The following TBC1D5 variants were observed in gnomAD, a reference collection of about 807,000 sequenced individuals.
TBC1D5 encodes the protein TBC1 domain family, member 5.
In TBC1D5, 75 loss-of-function variants were observed where a neutral mutation model predicts 100.3. The observed-to-expected ratio is 0.75, with a 90% CI of 0.62 to 0.91. TBC1D5 has a LOEUF of 0.91. Among genes scored for constraint, TBC1D5 ranks in the 40% least tolerant of loss-of-function variants. TBC1D5 has a pLI of 0.00. For synonymous variants in TBC1D5, 323 were observed against 325.6 expected (o/e 0.99, Z 0.09); for missense variants, 910 against 942.4 (o/e 0.97, Z 0.45).
chr3:17,452,195 A>G (rs1033370065), intron 3 of TBC1D5, among the ~76,000 whole-genome samples: 3 of 152,218 alleles, frequency 2.0e-5, no homozygotes, highest in Non-Finnish European at 4.4e-5. Context: ...AAGAACTGAA[A>G]TCATACCACC....
chr3:17,691,833 AAAAAAAAGAAAG>A (rs1334125758), intron 1 of TBC1D5, among the ~76,000 whole-genome samples: 2 of 151,914 alleles, frequency 1.3e-5, no homozygotes, highest in Non-Finnish European at 2.9e-5. Flanking sequence ...CAACAAAAAA[AAAAAAAAGAAAG>A]AAAAAAAGAA....
At chr3:17,667,021 G>C (rs867264509) in intron 1 of TBC1D5, among the ~76,000 whole-genome samples, 1 of 152,110 alleles carries the variant, frequency 6.6e-6, no homozygotes, top group East Asian at 1.9e-4. Context: ...AAGACAGTGT[G>C]AGATGTACAT....
chr3:17,616,938 T>C (rs2062216217), intron 2 of TBC1D5, among the ~76,000 whole-genome samples: 1 of 152,242 alleles, frequency 6.6e-6, no homozygotes, highest in Admixed American at 6.5e-5. Flanking sequence ...ATTATGATGT[T>C]CACTGGTTAT....
chr3:17,507,627 T>A (rs990507880), intron 3 of TBC1D5, among the ~76,000 whole-genome samples: 27 of 152,216 alleles, frequency 1.8e-4, no homozygotes, highest in African/African-American at 5.8e-4. Flanking sequence ...TGATTTACTA[T>A]GACTAATTTT....
intron 1 of TBC1D5, among the ~76,000 whole-genome samples, chr3:17,637,427 T>C (rs994386817): frequency 2.6e-5 from 4 of 151,574 alleles, no homozygotes; most frequent in Non-Finnish European, 4.4e-5. Context: ...GTAACAAATA[T>C]GACTATGCAA....
At chr3:17,235,665 A>T (rs1020444127) in intron 17 of TBC1D5, among the ~76,000 whole-genome samples, 1 of 152,102 alleles carries the variant, frequency 6.6e-6, no homozygotes, top group African/African-American at 2.4e-5. Flanking sequence ...GAGGTGGGAG[A>T]CTCTCCAGGG....
chr3:17,270,884 T>C (rs1413277897), intron 15 of TBC1D5, among the ~76,000 whole-genome samples: 2 of 152,184 alleles, frequency 1.3e-5, no homozygotes, highest in African/African-American at 4.8e-5. Context: ...CTTTTCCCCA[T>C]TGCTTATTTT....
At chr3:17,642,491 G>A (rs968177827) in intron 1 of TBC1D5, among the ~76,000 whole-genome samples, 7 of 152,020 alleles carry the variant, frequency 4.6e-5, no homozygotes, top group African/African-American at 7.2e-5. Flanking sequence ...AAATACCCCC[G>A]ATACCTACTA....
intron 3 of TBC1D5, among the ~76,000 whole-genome samples, chr3:17,429,634 T>C (rs2094410999): frequency 6.6e-6 from 1 of 151,950 alleles, no homozygotes; most frequent in African/African-American, 2.4e-5. Context: ...GCTTTCACTT[T>C]AAAGATGAGA....
chr3:17,686,551 G>A (rs4908958), intron 1 of TBC1D5, among the ~76,000 whole-genome samples: 86,635 of 151,806 alleles, frequency 0.57, 25,512 homozygotes, highest in East Asian at 0.98. Flanking sequence ...ATTTTTCAGT[G>A]AAGGAAACTG....
At chr3:17,586,823 AAC>A (rs1435755843) in intron 2 of TBC1D5, among the ~76,000 whole-genome samples, 1 of 152,108 alleles carries the variant, frequency 6.6e-6, no homozygotes, top group Non-Finnish European at 1.5e-5. Context: ...ATAATACAAA[AAC>A]ATCAGGCTTC....
chr3:17,533,046 G>T (rs1462101569), intron 2 of TBC1D5, among the ~76,000 whole-genome samples: 1 of 145,240 alleles, frequency 6.9e-6, no homozygotes, highest in South Asian at 2.2e-4. Flanking sequence ...AACACAATGA[G>T]ATCCTGTCAC....
intron 1 of TBC1D5, among the ~76,000 whole-genome samples, chr3:17,725,388 TA>T (rs1312960917): frequency 6.6e-6 from 1 of 151,640 alleles, no homozygotes; most frequent in African/African-American, 2.4e-5. Context: ...AGCGAAGAAG[TA>T]TTTTTTTTTT....
Position 17,271,405 on chromosome 3 carries a change from A to G in TBC1D5, c.1246-12814T>C, listed in dbSNP as rs186960407. On this transcript the variant is annotated intron_variant, in intron 15 of 21. Transcript: ENST00000253692. ...AGATTACATTCTTGATTTCGTTCTC[A>G]GCTTACATTGGTGTACAGATATACT... Among the ~76,000 whole-genome samples the G allele has an allele frequency of 1.6e-3, 248 of 152,168 alleles. 2 individuals carry two copies. Among genetic ancestry groups the G allele is most frequent in the African/African-American group, 5.8e-3 (239 of 41,536 alleles).
At chr3:17,451,946 G>T (rs184360832) in intron 3 of TBC1D5, among the ~76,000 whole-genome samples, 2 of 151,800 alleles carry the variant, frequency 1.3e-5, no homozygotes, top group African/African-American at 4.8e-5. Context: ...TTACAAGAAG[G>T]TTATAGAACA....
chr3:17,303,920 G>A (rs1484116468), intron 14 of TBC1D5, among the ~76,000 whole-genome samples: 1 of 139,242 alleles, frequency 7.2e-6, no homozygotes, highest in Non-Finnish European at 1.5e-5. Flanking sequence ...GCTACACATG[G>A]TTTTTTCTTG....
intron 18 of TBC1D5, among the ~76,000 whole-genome samples, chr3:17,199,354 T>C (rs2071155802): frequency 6.6e-6 from 1 of 152,248 alleles, no homozygotes; most frequent in Non-Finnish European, 1.5e-5. Flanking sequence ...GTTTGACAGT[T>C]GTCTAGAGAT....
intron 3 of TBC1D5, among the ~76,000 whole-genome samples, chr3:17,435,603 C>T (rs1334226243): frequency 2.0e-5 from 3 of 152,212 alleles, no homozygotes; most frequent in African/African-American, 4.8e-5. Flanking sequence ...ATTCAATTAC[C>T]TCCCACCAGG....
intron 2 of TBC1D5, among the ~76,000 whole-genome samples, chr3:17,543,639 A>G (rs1576614634): frequency 6.6e-6 from 1 of 152,122 alleles, no homozygotes; most frequent in Non-Finnish European, 1.5e-5. Context: ...CCCCATCTCA[A>G]AAAACAAAAC....
Sources: gnomAD v4.1 joint callset for allele counts (sites outside exome capture counted in the v4.1 genomes callset) on GRCh38, gnomAD v4.1.1 for gene constraint, MANE v1.5 for transcripts, NCBI Gene and HGNC (gene_info 2026-07-23, HGNC 2026-07-21) for gene names.